Variants in PRKAR1B observed in about 807,000 individuals in gnomAD.
PRKAR1B encodes the protein cAMP-dependent protein kinase type I-beta regulatory subunit.
PRKAR1B carries 22 observed loss-of-function variants against 46.5 expected under a neutral mutation model. That is an observed-to-expected ratio of 0.47 (90% CI 0.34 to 0.68). The LOEUF (loss-of-function observed/expected upper bound fraction) is 0.68. Ranked by LOEUF, PRKAR1B falls within the 30% of genes least tolerant of loss-of-function variation. PRKAR1B has a pLI of 0.01. For missense variants in PRKAR1B, 445 were observed against 535.6 expected (o/e 0.83, Z 1.67); for synonymous variants, 259 against 217.7 (o/e 1.19, Z -1.67).
rs531001272 is a variant in PRKAR1B at position 592,763 on chromosome 7, C to T, written c.708+3383G>A. Among the ~76,000 whole-genome samples, 26 of 152,360 alleles carry T rather than the reference C, an allele frequency of 1.7e-4. No homozygotes were observed. In the East Asian group the frequency reaches 2.7e-3, roughly 16 times the overall value. The stretch of plus-strand genomic sequence containing the variant: ...AAATCAGGCCGGATACGGTGGCTCA[C>T]ACCTCACACCTATAGACCCAGCACT... On this transcript the variant is annotated intron_variant, in intron 7 of 10. Coordinates refer to ENST00000537384, the MANE Select transcript of PRKAR1B (RefSeq NM_001164760.2).
At chr7:708,790 ATTT>A (rs367689443) in intron 2 of PRKAR1B, among the ~76,000 whole-genome samples, 1 of 131,762 alleles carries the variant, frequency 7.6e-6, no homozygotes, top group Non-Finnish European at 1.6e-5. Flanking sequence ...CCCGGCCCCA[ATTT>A]TTTTTTTTTT....
At chr7:702,137 G>A (rs74805076) in intron 2 of PRKAR1B, among the ~76,000 whole-genome samples, 6,407 of 152,120 alleles carry the variant, frequency 0.042, 417 homozygotes, top group African/African-American at 0.13. Context: ...TGGAAAACTT[G>A]TATGTTTTAC....
chr7:686,879 T>A (rs980436679), intron 2 of PRKAR1B, among the ~76,000 whole-genome samples: 2 of 152,054 alleles, frequency 1.3e-5, no homozygotes, highest in Non-Finnish European at 2.9e-5. Context: ...GTAGGAAAGA[T>A]CAAAACTGGA....
At chr7:563,677 G>C (rs112033576) in intron 9 of PRKAR1B, among the ~76,000 whole-genome samples, 13 of 152,306 alleles carry the variant, frequency 8.5e-5, no homozygotes, top group African/African-American at 3.1e-4. Context: ...GTGTGCACGT[G>C]TGCATACATG....
At chr7:563,050 A>C (rs956765552) in intron 9 of PRKAR1B, among the ~76,000 whole-genome samples, 2 of 152,152 alleles carry the variant, frequency 1.3e-5, no homozygotes, top group Non-Finnish European at 2.9e-5. Flanking sequence ...CAGCAACCCC[A>C]ACCCTTCCAC....
chr7:607,145 A>C (rs1250940775), intron 5 of PRKAR1B, among the ~76,000 whole-genome samples: 2 of 152,100 alleles, frequency 1.3e-5, no homozygotes, highest in African/African-American at 4.8e-5. Flanking sequence ...CTGGGATTAC[A>C]GGCACCCGCC....
chr7:560,656 C>T lies in PRKAR1B; in HGVS notation c.892-9186G>A, dbSNP rs1255821784. ...GGTCCAGCCTCAGCTCTGCAATGCACCAGCCAGTCTCAGGCAAGGCCCATA... is the reference window on the plus strand; with the variant it reads ...GGTCCAGCCTCAGCTCTGCAATGCATCAGCCAGTCTCAGGCAAGGCCCATA... On this transcript the variant is annotated intron_variant, in intron 9 of 10. Transcript: ENST00000537384. This position sits in a 1 kb window ranked among gnomAD's most constrained non-coding sequence, Gnocchi z 4.2. Among the ~76,000 whole-genome samples, 1 of 152,162 alleles carries T rather than the reference C, an allele frequency of 6.6e-6. No homozygotes were observed. The highest frequency in any genetic ancestry group is 2.4e-5 in the African/African-American group (1 of 41,420).
At chr7:558,377 A>AGG (rs1778584703) in intron 9 of PRKAR1B, among the ~76,000 whole-genome samples, 1 of 150,344 alleles carries the variant, frequency 6.7e-6, no homozygotes, top group South Asian at 2.1e-4. Context: ...GGAGGAGGAG[A>AGG]AGAAGAAATA....
intron 1 of PRKAR1B, among the ~76,000 whole-genome samples, chr7:722,096 C>CTTTTTTTTTTTTTTTTTTTTTTTTT (rs147399956): frequency 1.1e-5 from 1 of 92,352 alleles, no homozygotes; most frequent in Non-Finnish European, 2.0e-5. Context: ...AGTTTTCAGC[C>CTTTTTTTTTTTTTTTTTTTTTTTTT]TTTTTTTTTT....
At position 569,050 on chromosome 7, in the gene PRKAR1B, A is replaced by ATCCT. The variant is rs1209298620; in HGVS notation, c.891+10205_891+10206insAGGA. On this transcript the variant is annotated intron_variant, in intron 9 of 10. Transcript: ENST00000537384. ...TGGGGGAGAGGGTGTTAAACTTTGT[A>ATCCT]TAATGTTACTTACATTAACAAAAAA... Among the ~76,000 whole-genome samples, 12 of 149,942 alleles carry ATCCT rather than the reference A, an allele frequency of 8.0e-5. No homozygotes were observed. In the East Asian group the frequency reaches 2.0e-3, roughly 25 times the overall value.
At chr7:625,809 C>T (rs1041470354) in intron 4 of PRKAR1B, among the ~76,000 whole-genome samples, 9 of 152,090 alleles carry the variant, frequency 5.9e-5, no homozygotes, top group Admixed American at 4.6e-4. Flanking sequence ...AGTTCGAGCC[C>T]AACCTGGCCA....
At chr7:669,883 T>TTTTTTTTTTTGGG (rs770566286) in intron 4 of PRKAR1B, among the ~76,000 whole-genome samples, 1 of 144,738 alleles carries the variant, frequency 6.9e-6, no homozygotes, top group Non-Finnish European at 1.5e-5. Flanking sequence ...TTTTTTTTTT[T>TTTTTTTTTTTGGG]GAGACGGAGT....
intron 1 of PRKAR1B, chr7:726,959 G>A: frequency 7.6e-7 from 1 of 1,323,022 alleles, no homozygotes; most frequent in Non-Finnish European, 9.7e-7. Context: ...CTGCTGCCGC[G>A]CTTGCTGCGC....
chr7:722,164 G>A (rs1562365939), intron 1 of PRKAR1B, among the ~76,000 whole-genome samples: 1 of 136,650 alleles, frequency 7.3e-6, no homozygotes, highest in Non-Finnish European at 1.5e-5. Context: ...GCGGTGGCAT[G>A]ATATTGGCTC....
chr7:575,023 T>C (rs760036856), intron 9 of PRKAR1B, among the ~76,000 whole-genome samples: 14 of 152,264 alleles, frequency 9.2e-5, no homozygotes. Context: ...GACGTACTAA[T>C]TTCAGTAGCG....
intron 4 of PRKAR1B, among the ~76,000 whole-genome samples, chr7:675,119 C>T (rs117616574): frequency 0.024 from 3,638 of 152,332 alleles, 68 homozygotes; most frequent in Middle Eastern, 0.044. Flanking sequence ...CATCGGAGCA[C>T]GGAGAAATCA....
chr7:622,854 C>A (rs1783184275), intron 4 of PRKAR1B, among the ~76,000 whole-genome samples: 2 of 152,202 alleles, frequency 1.3e-5, no homozygotes, highest in African/African-American at 4.8e-5. Context: ...ATGACGCTAT[C>A]CAGGGGGAAA....
chr7:607,481 CT>C (rs1266135467), intron 4 of PRKAR1B, 29 bp from the exon 5 acceptor site: 9 of 1,594,812 alleles, frequency 5.6e-6, no homozygotes, highest in Non-Finnish European at 7.7e-6. Flanking sequence ...CAAATTAGGG[CT>C]GCAGGCAGCA....
rs1188770131 is a variant in PRKAR1B at position 550,065 on chromosome 7, G to C, written c.*365C>G. The C allele has an allele frequency of 5.6e-5, 13 of 230,468 alleles. No homozygotes were observed. The highest frequency in any genetic ancestry group is 7.7e-5 in the Non-Finnish European group (9 of 116,740). 14.3% of individuals were successfully genotyped at this position (230,468 alleles called of 1,614,324 possible). Reference sequence around the variant, plus strand: ...GACCTCACAGGGTCACCAGGCCCCAGGGGCAACGTCCTGGCCTGGTTCTGG... The same window carrying C: ...GACCTCACAGGGTCACCAGGCCCCACGGGCAACGTCCTGGCCTGGTTCTGG... On this transcript the variant is annotated 3_prime_UTR_variant, in exon 11 of 11. Transcript: ENST00000537384.
Sources: allele counts gnomAD v4.1 joint callset (sites outside exome capture counted in the v4.1 genomes callset), GRCh38; gene constraint gnomAD v4.1.1; non-coding constraint Gnocchi (gnomAD v3.1); transcripts MANE v1.5; gene names NCBI Gene and HGNC (gene_info 2026-07-23, HGNC 2026-07-21).